Variants in ITGB6 observed in about 807,000 individuals in gnomAD.
ITGB6 encodes integrin beta-6.
Under a neutral mutation model 84.5 loss-of-function variants are expected in ITGB6, and 80 were observed. The observed-to-expected ratio is 0.95, with a 90% CI of 0.79 to 1.14. The LOEUF (loss-of-function observed/expected upper bound fraction) is 1.14. Among genes scored for constraint, ITGB6 ranks in the 50% most tolerant of loss-of-function variants. The pLI is 0.00. For missense variants in ITGB6, 1,006 were observed against 968.0 expected (o/e 1.04, Z -0.52); for synonymous variants, 383 against 354.9 (o/e 1.08, Z -0.89).
At chr2:160,116,710 C>A (rs1162067855) in intron 12 of ITGB6, among the ~76,000 whole-genome samples, 3 of 152,126 alleles carry the variant, frequency 2.0e-5, no homozygotes, top group Non-Finnish European at 4.4e-5. Context: ...TTAAAAGACA[C>A]AGACTGGCAA....
intron 4 of ITGB6, among the ~76,000 whole-genome samples, chr2:160,185,014 G>A (rs1239279957): frequency 6.6e-6 from 1 of 152,130 alleles, no homozygotes; most frequent in Non-Finnish European, 1.5e-5. Flanking sequence ...CAAACCCACA[G>A]CCAATATCAT....
chr2:160,118,208 CA>C (rs562056239), intron 12 of ITGB6, among the ~76,000 whole-genome samples: 6 of 151,904 alleles, frequency 3.9e-5, no homozygotes, highest in African/African-American at 1.5e-4. Flanking sequence ...AGAGAAACAA[CA>C]AAAAAAGAGA....
chr2:160,104,660 A>G (rs1696840651), intron 14 of ITGB6, among the ~76,000 whole-genome samples: 1 of 152,188 alleles, frequency 6.6e-6, no homozygotes, highest in Non-Finnish European at 1.5e-5. Context: ...ACAGTACAAA[A>G]TCAATTCATG....
intron 12 of ITGB6, among the ~76,000 whole-genome samples, chr2:160,118,098 G>A: frequency 6.6e-6 from 1 of 152,272 alleles, no homozygotes; most frequent in South Asian, 2.1e-4. Flanking sequence ...AGGAGGAGCT[G>A]GTACCACTCC....
At chr2:160,190,011 A>C (rs1686074620) in intron 4 of ITGB6, among the ~76,000 whole-genome samples, 1 of 152,166 alleles carries the variant, frequency 6.6e-6, no homozygotes. Flanking sequence ...ACACCATGGA[A>C]TACTATGCAG....
chr2:160,198,873 C>T (rs1686443775), intron 2 of ITGB6, among the ~76,000 whole-genome samples: 1 of 152,120 alleles, frequency 6.6e-6, no homozygotes, highest in South Asian at 2.1e-4. Context: ...CAGACAGCCT[C>T]CATATTTTAC....
At chr2:160,150,748 G>A (rs1684382450) in intron 7 of ITGB6, among the ~76,000 whole-genome samples, 1 of 152,060 alleles carries the variant, frequency 6.6e-6, no homozygotes, top group Non-Finnish European at 1.5e-5. Context: ...CAAAATAAAG[G>A]GATGGAGGAA....
At position 160,137,663 on chromosome 2, in the gene ITGB6, C is replaced by A. The variant is rs938480638; in HGVS notation, c.1431G>T (p.Gly477=). The part of the protein sequence containing the change: ...CHHGNGSFQC[G]VCACHPGHMG... The stretch of plus-strand genomic sequence containing the variant: ...TGTGGCCAGGGTGGCAGGCACACAC[C>A]CCACACTGGAAAGAGCCGTTCCCGT... The change falls in exon 10 of 15, where the codon GGG becomes GGT. Residue 477 remains glycine, a synonymous_variant. Coordinates refer to ENST00000283249, the MANE Select transcript of ITGB6 (RefSeq NM_000888.5). 1.2e-5 allele frequency: 19 copies of A among 1,614,082 alleles called. No homozygotes were observed. In the African/African-American group the frequency reaches 1.5e-4, roughly 12 times the overall value.
At position 160,120,675 on chromosome 2, in the gene ITGB6, A is replaced by T. The variant is rs1271321076; in HGVS notation, c.1981+3116T>A. Among the ~76,000 whole-genome samples the T allele has an allele frequency of 8.7e-5, 5 of 57,490 alleles. 2 individuals are homozygous for T. Among genetic ancestry groups the T allele is most frequent in the African/African-American group, 3.3e-4 (5 of 15,012 alleles). 37.7% of individuals were successfully genotyped at this position (57,490 alleles called of 152,430 possible). A position where few individuals can be genotyped will look rare whatever the true frequency, so the allele number is the denominator to read the frequency against. On this transcript the variant is annotated intron_variant, in intron 12 of 14. Coordinates refer to ENST00000283249, the MANE Select transcript of ITGB6 (RefSeq NM_000888.5). ...TAAAACTTAGAGTATAATTAAAAAA[A>T]AAAAAAAAAAAAAAAGAAAATGTGG...
intron 6 of ITGB6, among the ~76,000 whole-genome samples, chr2:160,171,323 A>AAATCT (rs1277735884): frequency 1.3e-5 from 2 of 150,098 alleles, no homozygotes; most frequent in African/African-American, 4.9e-5. Context: ...TTCAGAAATC[A>AAATCT]AATTTATTTT....
intron 2 of ITGB6, among the ~76,000 whole-genome samples, chr2:160,197,000 G>A (rs1278017645): frequency 2.6e-5 from 4 of 151,984 alleles, no homozygotes; most frequent in South Asian, 4.2e-4. Flanking sequence ...TGTATGCATC[G>A]GTCTGTTACC....
At chr2:160,124,001 A>T (rs1041782517) in intron 11 of ITGB6, 113 bp from the exon 12 acceptor site, 1 of 659,376 alleles carries the variant, frequency 1.5e-6, no homozygotes, top group African/African-American at 1.8e-5. Context: ...TATGTCATAG[A>T]TGTCATTATC....
In ITGB6 at chr2:160,102,797, C is replaced by T. The variant is rs533574347; in HGVS notation, c.2269-963G>A. On this transcript the variant is annotated intron_variant, in intron 14 of 14. Coordinates refer to ENST00000283249, the MANE Select transcript of ITGB6 (RefSeq NM_000888.5). The stretch of plus-strand genomic sequence containing the variant: ...AGGCTGATCACACAGGCTATGGCAA[C>T]AGTCTGGGTCCAAACCCAGCTCCAC... Among the ~76,000 whole-genome samples the T allele has an allele frequency of 4.6e-5, 7 of 152,104 alleles. No homozygotes were observed. In the East Asian group the frequency reaches 1.4e-3, roughly 29 times the overall value.
chr2:160,194,720 T>TA lies in ITGB6; in HGVS notation c.593+648_593+649insT, dbSNP rs1282245687. ...GAATATTTGATTCTGAACATGTCAT[T>TA]CACTGCACAGGTAAGCCGTCACAAA... On this transcript the variant is annotated intron_variant, in intron 4 of 14. Coordinates refer to ENST00000283249, the MANE Select transcript of ITGB6 (RefSeq NM_000888.5). 4.6e-5 allele frequency among the ~76,000 whole-genome samples: 7 copies of TA among 152,250 alleles called. No homozygotes were observed. The East Asian group carries it at 1.2e-3, about 25-fold the overall frequency.
At chr2:160,199,839 G>A (rs1686487289) in intron 1 of ITGB6, among the ~76,000 whole-genome samples, 164 bp downstream of exon 1, 1 of 152,170 alleles carries the variant, frequency 6.6e-6, no homozygotes, top group Non-Finnish European at 1.5e-5. Flanking sequence ...TTCACTGTGG[G>A]AACTGCCCGG....
At position 160,196,414 on chromosome 2, in the gene ITGB6, T is replaced by C. The variant is rs762386614; in HGVS notation, c.148A>G (p.Thr50Ala). The change falls in exon 3 of 15, where the codon ACT (threonine) becomes GCT (alanine). Residue 50 changes from threonine (T) to alanine (A), a missense_variant. Transcript: ENST00000283249. ...QCAWCAQENF[T>A]HPSGVGERCD... ...CTTTCGCCAACTCCAGATGGATGAGTAAAATTCTAAAAAAGAAAAAGAAAA... is the reference window on the plus strand; with the variant it reads ...CTTTCGCCAACTCCAGATGGATGAGCAAAATTCTAAAAAAGAAAAAGAAAA... 1.3e-6 allele frequency: 2 copies of C among 1,597,794 alleles called. No individual in the cohort carries two copies. The highest frequency in any genetic ancestry group is 1.1e-5 in the South Asian group (1 of 87,930).
chr2:160,130,890 C>A (rs1318600837), intron 10 of ITGB6, among the ~76,000 whole-genome samples: 1 of 152,078 alleles, frequency 6.6e-6, no homozygotes, highest in Non-Finnish European at 1.5e-5. Context: ...AAGTACTTGG[C>A]AGAAATTTAG....
intron 8 of ITGB6, among the ~76,000 whole-genome samples, chr2:160,140,096 A>C (rs1683937402): frequency 2.0e-5 from 3 of 152,200 alleles, no homozygotes; most frequent in South Asian, 4.1e-4. Context: ...TAGACTAGAA[A>C]GAAATTCAGT....
chr2:160,140,853 C>G (rs979504088), intron 8 of ITGB6, among the ~76,000 whole-genome samples: 4 of 152,138 alleles, frequency 2.6e-5, no homozygotes, highest in Non-Finnish European at 4.4e-5. Flanking sequence ...TTTCTTCCTT[C>G]AGGGGAGTTT....
Sources: gnomAD v4.1 joint callset for allele counts (sites outside exome capture counted in the v4.1 genomes callset) on GRCh38, gnomAD v4.1.1 for gene constraint, MANE v1.5 for transcripts, NCBI Gene and HGNC (gene_info 2026-07-23, HGNC 2026-07-21) for gene names.